RAB4A: variants seen among roughly 807,000 people sequenced by gnomAD.
RAB4A encodes ras-related protein Rab-4A.
In RAB4A, 20 loss-of-function variants were observed where a neutral mutation model predicts 34.5. The ratio of observed to expected loss-of-function variants is 0.58; its 90% confidence interval spans 0.41 to 0.84. RAB4A has a LOEUF of 0.84. Among genes scored for constraint, RAB4A ranks in the 40% least tolerant of loss-of-function variants. RAB4A has a pLI of 0.00. For synonymous variants in RAB4A, 102 were observed against 100.0 expected (o/e 1.02, Z -0.12); for missense variants, 228 against 274.5 (o/e 0.83, Z 1.20).
chr1:229,287,991 A>G (rs528805794), intron 2 of RAB4A, among the ~76,000 whole-genome samples: 1 of 152,310 alleles, frequency 6.6e-6, no homozygotes, highest in Non-Finnish European at 1.5e-5. Flanking sequence ...CAAAATACTT[A>G]TTTTGCCTGT....
At chr1:229,279,195 T>C in intron 1 of RAB4A, among the ~76,000 whole-genome samples, 1 of 152,180 alleles carries the variant, frequency 6.6e-6, no homozygotes. Flanking sequence ...ACACATGAAA[T>C]GCATCATACA....
chr1:229,287,738 A>C (rs540839844), intron 2 of RAB4A, among the ~76,000 whole-genome samples: 1 of 152,078 alleles, frequency 6.6e-6, no homozygotes, highest in South Asian at 2.1e-4. Flanking sequence ...TACTAGTTCT[A>C]TACTGTCTGG....
In RAB4A at chr1:229,271,168, A is replaced by T. The variant is rs867846974; in HGVS notation, c.-172A>T. 8 of 518,360 alleles carry T rather than the reference A, an allele frequency of 1.5e-5. 1 individual carries two copies. In the Middle Eastern group the frequency reaches 3.6e-3, roughly 233 times the overall value. The allele number at this position is 518,360 out of a possible 1,614,324, so 32.1% of individuals were successfully genotyped here. On this transcript the variant is annotated 5_prime_UTR_variant, in exon 1 of 8. Transcript: ENST00000366690. ...GGTGGAGGGCCCTGCGCCTGCGCGGAGCTGGAGTCCGGCTGGGCCGCAGCC... is the reference window on the plus strand; with the variant it reads ...GGTGGAGGGCCCTGCGCCTGCGCGGTGCTGGAGTCCGGCTGGGCCGCAGCC...
intron 3 of RAB4A, among the ~76,000 whole-genome samples, chr1:229,290,665 A>C (rs959100470): frequency 6.6e-6 from 1 of 152,254 alleles, no homozygotes; most frequent in African/African-American, 2.4e-5. Flanking sequence ...ACTTTGAGGG[A>C]GTAAGAAAAA....
Position 229,299,036 on chromosome 1 carries a change from C to T in RAB4A, c.505C>T (p.Gln169Ter), listed in dbSNP as rs1179069825. The change falls in exon 6 of 8, where the codon CAG becomes TAG. Residue 169 changes from glutamine to a stop codon, truncating the protein, a stop_gained. Transcript: ENST00000366690. LOFTEE classifies it high-confidence loss of function. ...GGAGAATGTAGAAGAGGCTTTTGTA[C>T]AGTGTGCAAGAAAAATACTTAACAA... Reference protein sequence around the residue: ...TGENVEEAFVQCARKILNKIE... With the variant: ...TGENVEEAFV 1 of 1,609,138 alleles carries T rather than the reference C, an allele frequency of 6.2e-7. No individual in the cohort carries two copies. Among genetic ancestry groups the T allele is most frequent in the Non-Finnish European group, 8.5e-7 (1 of 1,178,924 alleles).
chr1:229,293,364 A>T (rs928162298), intron 3 of RAB4A, among the ~76,000 whole-genome samples: 12 of 151,738 alleles, frequency 7.9e-5, no homozygotes, highest in Admixed American at 3.9e-4. Context: ...AAGTTCCAGC[A>T]CTCTCCTCAC....
chr1:229,279,985 A>G (rs562485505), intron 1 of RAB4A, among the ~76,000 whole-genome samples: 10 of 152,322 alleles, frequency 6.6e-5, no homozygotes, highest in African/African-American at 2.2e-4. Context: ...TTTTGCCTTC[A>G]TTAATTACTC....
chr1:229,295,144 G>T (rs1226839665), intron 3 of RAB4A, among the ~76,000 whole-genome samples: 4 of 151,812 alleles, frequency 2.6e-5, no homozygotes, highest in East Asian at 3.9e-4. Context: ...TAGAGACAGG[G>T]TCTCTCTCTC....
intron 3 of RAB4A, among the ~76,000 whole-genome samples, chr1:229,290,411 C>G (rs1169995850): frequency 6.6e-6 from 1 of 152,140 alleles, no homozygotes; most frequent in Non-Finnish European, 1.5e-5. Context: ...GAGAAAGGAG[C>G]CTTCTCTGCA....
intron 1 of RAB4A, among the ~76,000 whole-genome samples, chr1:229,275,614 CTTTTTTTTTT>C (rs1028884521): frequency 3.1e-5 from 4 of 131,042 alleles, no homozygotes; most frequent in African/African-American, 5.5e-5. Flanking sequence ...ATTTCTTTTC[CTTTTTTTTTT>C]TTTTTTTTTT....
intron 1 of RAB4A, among the ~76,000 whole-genome samples, chr1:229,283,812 T>C (rs1344362042): frequency 1.3e-5 from 2 of 150,288 alleles, no homozygotes; most frequent in African/African-American, 2.4e-5. Flanking sequence ...CTGCAACCTC[T>C]GCCTCCCAGG....
intron 1 of RAB4A, 144 bp from the exon 2 acceptor site, chr1:229,286,342 T>C (rs1307385516): frequency 3.1e-5 from 18 of 577,568 alleles, no homozygotes; most frequent in Non-Finnish European, 4.5e-5. Flanking sequence ...AGTCAACATA[T>C]GTATTGTCAT....
chr1:229,291,984 G>A (rs1241394860), intron 3 of RAB4A, among the ~76,000 whole-genome samples: 1 of 147,506 alleles, frequency 6.8e-6, no homozygotes, highest in Non-Finnish European at 1.5e-5. Flanking sequence ...ACCAAACACT[G>A]CATATTCTCA....
chr1:229,287,018 T>C (rs1656940771), intron 2 of RAB4A, among the ~76,000 whole-genome samples: 1 of 152,224 alleles, frequency 6.6e-6, no homozygotes, highest in Non-Finnish European at 1.5e-5. Flanking sequence ...TCTTTTACCA[T>C]TGACTTTCAC....
At chr1:229,297,869 A>C (rs1171875661) in intron 5 of RAB4A, among the ~76,000 whole-genome samples, 1 of 152,240 alleles carries the variant, frequency 6.6e-6, no homozygotes, top group Non-Finnish European at 1.5e-5. Context: ...ACATTATGTA[A>C]TGACTTTTCA....
Position 229,288,770 on chromosome 1 carries a change from T to G in RAB4A, c.154T>G (p.Ser52Ala). Residue 52 changes from serine to alanine, a missense_variant, in exon 3 of 8, where the codon TCA becomes GCA. Ser to Ala is a moderately conservative substitution (Grantham distance 99). Transcript: ENST00000366690. ...TCATACAATAGGAGTGGAATTTGGT[T>G]CAAAGATAATAAATGTTGGTGGTAA... ...SNHTIGVEFGSKIINVGGKYV... is the reference protein window; with the variant it reads ...SNHTIGVEFGAKIINVGGKYV... 1 of 1,596,004 alleles carries G rather than the reference T, an allele frequency of 6.3e-7. No individual in the cohort carries two copies.
chr1:229,274,511 A>G (rs1284079272), intron 1 of RAB4A, among the ~76,000 whole-genome samples: 1 of 152,206 alleles, frequency 6.6e-6, no homozygotes, highest in Non-Finnish European at 1.5e-5. Flanking sequence ...ACTGTACTTT[A>G]TGTAATATCG....
chr1:229,299,314 A>G (rs1316878590), intron 6 of RAB4A, among the ~76,000 whole-genome samples: 1 of 152,200 alleles, frequency 6.6e-6, no homozygotes, highest in Non-Finnish European at 1.5e-5. Flanking sequence ...AGCTGTGGAA[A>G]GGTAGTCAAG....
In RAB4A at chr1:229,302,995, T is replaced by C; in HGVS notation, c.*12+6T>C. The stretch of plus-strand genomic sequence containing the variant: ...GTTGTTAGGAGAGCACACAGGTGGG[T>C]TTGGACACCTCCCTGCCCTGAGTTC... On this transcript the variant is annotated splice_donor_region_variant and intron_variant, in intron 7 of 7. Transcript: ENST00000366690. The C allele has an allele frequency of 6.3e-7, 1 of 1,584,136 alleles. No individual in the cohort carries two copies. Among genetic ancestry groups the C allele is most frequent in the Non-Finnish European group, 8.7e-7 (1 of 1,153,446 alleles).
Sources: allele counts gnomAD v4.1 joint callset (sites outside exome capture counted in the v4.1 genomes callset), GRCh38; gene constraint gnomAD v4.1.1; transcripts MANE v1.5; gene names NCBI Gene and HGNC (gene_info 2026-07-23, HGNC 2026-07-21).